The following GLYR1 variants were observed in gnomAD, a reference collection of about 807,000 sequenced individuals.
GLYR1 encodes glyoxylate reductase 1 homolog, also known as cytokine-like nuclear factor N-PAC.
Under a neutral mutation model 72.7 loss-of-function variants are expected in GLYR1, and 21 were observed. That is an observed-to-expected ratio of 0.29 (90% CI 0.20 to 0.42). The LOEUF is 0.42. GLYR1 is among the 10% of genes least tolerant of loss of function. The pLI is 1.00. For synonymous variants in GLYR1, 392 were observed against 270.2 expected (o/e 1.45, Z -4.42); for missense variants, 594 against 712.1 (o/e 0.83, Z 1.89).
intron 15 of GLYR1, among the ~76,000 whole-genome samples, chr16:4,808,744 T>TA (rs1318580173): frequency 6.6e-6 from 1 of 152,168 alleles, no homozygotes; most frequent in Non-Finnish European, 1.5e-5. Context: ...GTTTTTTTTT[T>TA]AGATTCAAAT....
At chr16:4,819,190 A>G (rs1293259727) in intron 9 of GLYR1, among the ~76,000 whole-genome samples, 1 of 150,942 alleles carries the variant, frequency 6.6e-6, no homozygotes, top group Non-Finnish European at 1.5e-5. Flanking sequence ...TTTATTTAAA[A>G]AGAGAGATGG....
chr16:4,844,665 G>C (rs1003015911), intron 3 of GLYR1, among the ~76,000 whole-genome samples: 9 of 152,212 alleles, frequency 5.9e-5, no homozygotes, highest in Non-Finnish European at 1.2e-4. Context: ...GGAGGCTGAG[G>C]TGAGAGAACC....
At position 4,811,718 on chromosome 16, in the gene GLYR1, G is replaced by A. The variant is rs774328231; in HGVS notation, c.1367C>T (p.Thr456Ile). The change falls in exon 14 of 16, where the codon ACC becomes ATC. Residue 456 changes from threonine to isoleucine, a missense_variant. By Grantham distance (89) the Thr-to-Ile change is moderately conservative. This residue lies in a region of GLYR1 where 266 missense variants were observed against 358.4 expected (regional missense o/e 0.74). Coordinates refer to ENST00000321919, the MANE Select transcript of GLYR1 (RefSeq NM_032569.4). ...SFMATIAEGL[T>I]LAQVTGQSQQ... ...GGACTGGCCTGTCACCTGGGCCAGG[G>A]TCAGCCCCTCGGCAATAGTGGCCAT... 6.2e-7 allele frequency: 1 copy of A among 1,614,198 alleles called. No individual in the cohort carries two copies. Among genetic ancestry groups the A allele is most frequent in the South Asian group, 1.1e-5 (1 of 91,074 alleles).
chr16:4,844,576 T>C (rs958712660), intron 3 of GLYR1, among the ~76,000 whole-genome samples: 5 of 152,090 alleles, frequency 3.3e-5, no homozygotes, highest in Non-Finnish European at 5.9e-5. Flanking sequence ...TTCAAGAACA[T>C]CCTGGGCAAC....
chr16:4,817,518 G>T, intron 10 of GLYR1, 80 bp downstream of exon 10: 1 of 842,250 alleles, frequency 1.2e-6, no homozygotes, highest in Non-Finnish European at 2.0e-6. Flanking sequence ...GCAGAACGCT[G>T]AGACAACAGG....
At chr16:4,846,824 G>A in intron 1 of GLYR1, 1 of 288,716 alleles carries the variant, frequency 3.5e-6, no homozygotes, top group Non-Finnish European at 6.6e-6. Flanking sequence ...CGCAACCTGG[G>A]CTTTGACCGA....
chr16:4,817,852 G>A, intron 9 of GLYR1, 155 bp from the exon 10 acceptor site: 1 of 624,542 alleles, frequency 1.6e-6, no homozygotes, highest in Non-Finnish European at 2.9e-6. Flanking sequence ...GCAGAGCCAG[G>A]GGCGTCATGC....
At position 4,812,963 on chromosome 16, in the gene GLYR1, A is replaced by AT. The variant is rs777147624; in HGVS notation, c.1120-716dup. Among the ~76,000 whole-genome samples the AT allele has an allele frequency of 2.0e-3, 194 of 98,460 alleles. No homozygotes were observed. The South Asian group carries it at 0.026, about 13-fold the overall frequency. The allele number at this position is 98,460 out of a possible 152,430, so 64.6% of individuals were successfully genotyped here. A position where few individuals can be genotyped will look rare whatever the true frequency, so the allele number is the denominator to read the frequency against. ...AGGCAACCGCCACCATGCCTGGCTAATTTTTTTTTTTTTTTTTGAGACGGA... is the reference window on the plus strand; with the variant it reads ...AGGCAACCGCCACCATGCCTGGCTAATTTTTTTTTTTTTTTTTTGAGACGGA... On this transcript the variant is annotated intron_variant, in intron 12 of 15. Transcript: ENST00000321919.
chr16:4,813,708 T>A, intron 12 of GLYR1, 29 bp downstream of exon 12: 2 of 1,551,244 alleles, frequency 1.3e-6, no homozygotes, highest in Non-Finnish European at 1.8e-6. Flanking sequence ...GAAAAGATGC[T>A]GGAGAGCCAG....
chr16:4,817,245 G>C (rs976618816), intron 10 of GLYR1, among the ~76,000 whole-genome samples: 3 of 151,712 alleles, frequency 2.0e-5, no homozygotes, highest in Admixed American at 6.6e-5. Context: ...TCAGCCTCTG[G>C]AGCAGCTGGG....
chr16:4,811,514 G>T, intron 14 of GLYR1, 109 bp downstream of exon 14: 1 of 1,413,312 alleles, frequency 7.1e-7, no homozygotes, highest in Non-Finnish European at 9.8e-7. Context: ...TCTGGCCAGG[G>T]TCAGGGACTG....
chr16:4,823,978 G>T, intron 5 of GLYR1, 71 bp from the exon 6 acceptor site: 1 of 1,268,306 alleles, frequency 7.9e-7, no homozygotes, highest in Non-Finnish European at 1.1e-6. Context: ...AAGCTCCACA[G>T]TCTAAGGGAA....
intron 10 of GLYR1, among the ~76,000 whole-genome samples, chr16:4,816,468 AT>A (rs530351789): frequency 4.6e-5 from 7 of 152,188 alleles, no homozygotes; most frequent in African/African-American, 1.4e-4. Flanking sequence ...CACCCTACTA[AT>A]TTTTTTGTCT....
At chr16:4,845,544 C>T (rs1468167660) in intron 2 of GLYR1, among the ~76,000 whole-genome samples, 1 of 150,972 alleles carries the variant, frequency 6.6e-6, no homozygotes, top group Non-Finnish European at 1.5e-5. Flanking sequence ...AAAATGCAGA[C>T]GACACTCTTT....
At chr16:4,846,500 G>A (rs972869180) in intron 1 of GLYR1, among the ~76,000 whole-genome samples, 2 of 152,250 alleles carry the variant, frequency 1.3e-5, no homozygotes, top group African/African-American at 4.8e-5. Context: ...AGCTTCCTCT[G>A]TAAACACAGA....
At position 4,808,235 on chromosome 16, in the gene GLYR1, C is replaced by CAA. The variant is rs57992836; in HGVS notation, c.1588-2927_1588-2926dup. 4.9e-3 allele frequency among the ~76,000 whole-genome samples: 400 copies of CAA among 81,222 alleles called. 6 individuals are homozygous for CAA. Among genetic ancestry groups the CAA allele is most frequent in the African/African-American group, 9.5e-3 (215 of 22,660 alleles). 53.3% of individuals were successfully genotyped at this position (81,222 alleles called of 152,430 possible). A position where few individuals can be genotyped will look rare whatever the true frequency, so the allele number is the denominator to read the frequency against. On this transcript the variant is annotated intron_variant, in intron 15 of 15. Coordinates refer to ENST00000321919, the MANE Select transcript of GLYR1 (RefSeq NM_032569.4). ...TGGGCAACAGAGTGAGACTCTGTCT[C>CAA]AAAAAAAAAAAAAAAAAAAAATACA...
At position 4,813,673 on chromosome 16, in the gene GLYR1, T is replaced by C. The variant is rs549778658; in HGVS notation, c.1119+64A>G. 1.0e-5 allele frequency: 14 copies of C among 1,394,394 alleles called. No homozygotes were observed. In the Admixed American group the frequency reaches 1.4e-4, roughly 14 times the overall value. 86.4% of individuals were successfully genotyped at this position (1,394,394 alleles called of 1,614,324 possible). ...AGAGTAACTTAACTGCCCACTCTTG[T>C]AAGCCTGGGTCTTGGGCTCTGATAG... On this transcript the variant is annotated intron_variant, in intron 12 of 15. Coordinates refer to ENST00000321919, the MANE Select transcript of GLYR1 (RefSeq NM_032569.4).
At chr16:4,814,064 T>TAA (rs77652993) in intron 11 of GLYR1, 493 of 319,002 alleles carry the variant, frequency 1.5e-3, no homozygotes, top group South Asian at 2.6e-3. Flanking sequence ...TCTTTTTATT[T>TAA]AAAAAAAAAA....
intron 9 of GLYR1, among the ~76,000 whole-genome samples, chr16:4,819,311 C>A (rs2083860947): frequency 6.6e-6 from 1 of 152,080 alleles, no homozygotes; most frequent in African/African-American, 2.4e-5. Flanking sequence ...CTGCACCCAG[C>A]CTTTTTTCTT....
Sources: gnomAD v4.1 joint callset for allele counts (sites outside exome capture counted in the v4.1 genomes callset) on GRCh38, gnomAD v4.1.1 for gene constraint, gnomAD v4.1.1 regional missense constraint, MANE v1.5 for transcripts, NCBI Gene and HGNC (gene_info 2026-07-23, HGNC 2026-07-21) for gene names.